The following TG variants were observed in gnomAD, a reference collection of about 807,000 sequenced individuals.
TG encodes the protein thyroglobulin.
TG carries 270 observed loss-of-function variants against 324.7 expected under a neutral mutation model. The ratio of observed to expected loss-of-function variants is 0.83; its 90% CI spans 0.75 to 0.92. The LOEUF (loss-of-function observed/expected upper bound fraction) is 0.92. Ranked by LOEUF, TG falls within the 40% of genes least tolerant of loss-of-function variation. The pLI, the probability that TG is intolerant of heterozygous loss-of-function variation, is 0.00. For missense variants in TG, 3,591 were observed against 3,456.4 expected, an observed-to-expected ratio of 1.04 and a Z score of -0.98; for synonymous variants, 1,401 against 1,327.0, an observed-to-expected ratio of 1.06 and a Z score of -1.21.
chr8:133,047,976 TCC>T, intron 41 of TG: 2 of 1,280,436 alleles, frequency 1.6e-6, no homozygotes, highest in Non-Finnish European at 2.3e-6. Flanking sequence ...GAACAAGCCC[TCC>T]CCCAGGAAAG....
intron 45 of TG, among the ~76,000 whole-genome samples, chr8:133,119,050 G>A (rs916773803): frequency 1.3e-5 from 2 of 152,286 alleles, no homozygotes; most frequent in Admixed American, 6.5e-5. Flanking sequence ...GGGAGAGCAC[G>A]GGGAGGGAGT....
intron 34 of TG, among the ~76,000 whole-genome samples, chr8:132,973,322 G>A (rs1829781914): frequency 1.3e-5 from 2 of 152,148 alleles, no homozygotes; most frequent in Admixed American, 1.3e-4. Context: ...AGGAAAACGG[G>A]GACAACCAAT....
At chr8:132,906,106 C>T (rs11784224) in intron 16 of TG, among the ~76,000 whole-genome samples, 2 of 152,080 alleles carry the variant, frequency 1.3e-5, no homozygotes, top group Non-Finnish European at 2.9e-5. Flanking sequence ...GAGGTGAGGC[C>T]TAAATGCAGA....
chr8:132,934,982 C>T (rs1210766782), intron 24 of TG, among the ~76,000 whole-genome samples: 1 of 152,072 alleles, frequency 6.6e-6, no homozygotes, highest in African/African-American at 2.4e-5. Flanking sequence ...TCCAGCCTCT[C>T]TCTCCTCTCC....
chr8:133,134,016 A>G (rs967148619), intron 47 of TG, among the ~76,000 whole-genome samples: 2 of 152,248 alleles, frequency 1.3e-5, no homozygotes, highest in African/African-American at 4.8e-5. Flanking sequence ...ACAGTCCTTG[A>G]AGTCCTAGAT....
At chr8:133,082,876 A>G (rs1845969019) in intron 41 of TG, among the ~76,000 whole-genome samples, 1 of 152,192 alleles carries the variant, frequency 6.6e-6, no homozygotes. Context: ...GCTGATAGCA[A>G]TTTGCCAAAG....
chr8:133,116,589 C>G lies in TG; in HGVS notation c.7755-20C>G, dbSNP rs199731830. On this transcript the variant is annotated intron_variant, in intron 44 of 47. Transcript: ENST00000220616. The stretch of plus-strand genomic sequence containing the variant: ...AGAGCCATGTTTAACCAGACTCCCC[C>G]CATGTTCTCTTTTCACCAGGGACTA... 6.2e-7 allele frequency: 1 copy of G among 1,605,386 alleles called. No individual in the cohort carries two copies. Among genetic ancestry groups the G allele is most frequent in the East Asian group, 2.2e-5 (1 of 44,842 alleles).
intron 43 of TG, among the ~76,000 whole-genome samples, chr8:133,109,731 C>T (rs117796386): frequency 0.018 from 2,769 of 152,270 alleles, 31 homozygotes; most frequent in Non-Finnish European, 0.03. Context: ...GCATCTGACA[C>T]GCAATGGGTG....
At chr8:132,898,990 T>G in intron 14 of TG, 80 bp downstream of exon 14, 1 of 1,228,656 alleles carries the variant, frequency 8.1e-7, no homozygotes, top group Non-Finnish European at 1.2e-6. Context: ...GTTCAATACG[T>G]TCAGCTTAGT....
At chr8:132,883,243 A>T (rs1814915615) in intron 8 of TG, 4 of 540,646 alleles carry the variant, frequency 7.4e-6, no homozygotes, top group Non-Finnish European at 1.3e-5. Flanking sequence ...ATAGATGAAG[A>T]AAAATAAAAG....
At chr8:132,894,408 T>C (rs1433271298) in intron 11 of TG, among the ~76,000 whole-genome samples, 1 of 151,808 alleles carries the variant, frequency 6.6e-6, no homozygotes, top group African/African-American at 2.4e-5. Context: ...GACAGAGGCA[T>C]AAGCTCAGGG....
intron 26 of TG, among the ~76,000 whole-genome samples, chr8:132,947,510 A>G (rs1247698129): frequency 6.6e-6 from 1 of 152,188 alleles, no homozygotes; most frequent in East Asian, 1.9e-4. Flanking sequence ...TTTAAGCCAG[A>G]CATCCATGAG....
chr8:133,113,012 A>G (rs1850390699), intron 43 of TG, among the ~76,000 whole-genome samples: 1 of 152,204 alleles, frequency 6.6e-6, no homozygotes, highest in African/African-American at 2.4e-5. Flanking sequence ...TAGCTCTCCT[A>G]ACATGACCAG....
chr8:133,057,593 C>G (rs139732236), intron 41 of TG, among the ~76,000 whole-genome samples: 291 of 152,216 alleles, frequency 1.9e-3, no homozygotes, highest in African/African-American at 6.8e-3. Context: ...GCCCGAGTGA[C>G]TCACCTAAAG....
rs1385762587 is a variant in TG, at chr8:133,023,875, G to C, written c.7036+1725G>C. 5.9e-5 allele frequency among the ~76,000 whole-genome samples: 9 copies of C among 152,174 alleles called. No homozygotes were observed. In the East Asian group the frequency reaches 1.7e-3, roughly 29 times the overall value. On this transcript the variant is annotated intron_variant, in intron 40 of 47. Coordinates refer to ENST00000220616, the MANE Select transcript of TG (RefSeq NM_003235.5). ...AAACTCATTTTGGCTGCCGGCAGGG[G>C]CAGCCTGTGGGAAGGAAACGGAAGC...
At chr8:132,944,418 G>T (rs570132690) in intron 26 of TG, among the ~76,000 whole-genome samples, 1 of 152,148 alleles carries the variant, frequency 6.6e-6, no homozygotes, top group South Asian at 2.1e-4. Context: ...GTACTATTTT[G>T]TCCCTTCTTT....
At chr8:132,920,069 T>C (rs1820898449) in intron 21 of TG, among the ~76,000 whole-genome samples, 1 of 152,256 alleles carries the variant, frequency 6.6e-6, no homozygotes, top group Non-Finnish European at 1.5e-5. Context: ...AAGTCAACCT[T>C]ATCAGATTGA....
intron 34 of TG, among the ~76,000 whole-genome samples, chr8:132,983,016 C>A (rs763999610): frequency 1.2e-4 from 18 of 152,186 alleles, no homozygotes; most frequent in Admixed American, 3.3e-4. Flanking sequence ...ATTCGCTTTG[C>A]CCTGCATGGC....
At position 132,911,358 on chromosome 8, in the gene TG, A is replaced by C; in HGVS notation, c.4003-19A>C. 6.2e-7 allele frequency: 1 copy of C among 1,614,158 alleles called. No individual in the cohort carries two copies. Among genetic ancestry groups the C allele is most frequent in the Non-Finnish European group, 8.5e-7 (1 of 1,180,024 alleles). ...TTCTACTCTGTGTTCTTGAGCTGAAAGTGTCTGTCTTCTTGTAGGTGAAGA... is the reference window on the plus strand; with the variant it reads ...TTCTACTCTGTGTTCTTGAGCTGAACGTGTCTGTCTTCTTGTAGGTGAAGA... On this transcript the variant is annotated intron_variant, in intron 18 of 47. Transcript: ENST00000220616.
Sources: gnomAD v4.1 joint callset for allele counts (sites outside exome capture counted in the v4.1 genomes callset) on GRCh38, gnomAD v4.1.1 for gene constraint, MANE v1.5 for transcripts, NCBI Gene and HGNC (gene_info 2026-07-23, HGNC 2026-07-21) for gene names.